The following EBF1 variants were observed in gnomAD, a reference collection of about 807,000 sequenced individuals.
EBF1 encodes the protein EBF transcription factor 1.
EBF1 carries 10 observed loss-of-function variants against 68.4 expected under a neutral mutation model. The ratio of observed to expected loss-of-function variants is 0.15; its 90% CI spans 0.09 to 0.25. EBF1 has a LOEUF of 0.25. Among genes scored for constraint, EBF1 ranks in the 10% least tolerant of loss-of-function variants. The pLI is 1.00. For missense variants in EBF1, 509 were observed against 794.4 expected (o/e 0.64, Z 4.32); for synonymous variants, 298 against 299.8 (o/e 0.99, Z 0.06).
intron 6 of EBF1, among the ~76,000 whole-genome samples, chr5:159,018,583 T>C (rs368179866): frequency 1.3e-5 from 2 of 152,260 alleles, no homozygotes; most frequent in East Asian, 3.8e-4. Context: ...ATCAGAAGGA[T>C]AATTGCATGC....
At chr5:158,837,862 A>T (rs1789186368) in intron 7 of EBF1, among the ~76,000 whole-genome samples, 1 of 152,212 alleles carries the variant, frequency 6.6e-6, no homozygotes, top group Non-Finnish European at 1.5e-5. Flanking sequence ...TGTTTATTAG[A>T]CATACACTGT....
chr5:158,885,070 C>T (rs1008289803), intron 6 of EBF1, among the ~76,000 whole-genome samples: 3 of 152,196 alleles, frequency 2.0e-5, no homozygotes, highest in Non-Finnish European at 4.4e-5. Context: ...CCCACTCCTG[C>T]AACTGCAGGG....
intron 6 of EBF1, among the ~76,000 whole-genome samples, chr5:158,897,795 T>C (rs1235030656): frequency 6.6e-6 from 1 of 152,206 alleles, no homozygotes; most frequent in Non-Finnish European, 1.5e-5. Flanking sequence ...AGTCACTTTT[T>C]CTTCCTTTTA....
rs1491025677 is a variant in EBF1, at chr5:158,873,025, T to TTA, written c.555-32916_555-32915insTA. On this transcript the variant is annotated intron_variant, in intron 6 of 15. Transcript: ENST00000313708. The stretch of plus-strand genomic sequence containing the variant: ...TTTTTTTTTTTTTTTTTTTTTTTTT[T>TTA]ACTGCTAATCAACATTACAAGATCC... Among the ~76,000 whole-genome samples, 3 of 139,988 alleles carry TTA rather than the reference T, an allele frequency of 2.1e-5. No individual in the cohort carries two copies. The South Asian group carries it at 6.9e-4, about 32-fold the overall frequency. The allele number at this position is 139,988 out of a possible 152,430, so 91.8% of individuals were successfully genotyped here.
At chr5:158,809,931 C>T (rs1782329550) in intron 8 of EBF1, among the ~76,000 whole-genome samples, 4 of 152,136 alleles carry the variant, frequency 2.6e-5, no homozygotes, top group Admixed American at 2.6e-4. Flanking sequence ...ATAGACTATT[C>T]TAAAATAGTA....
intron 6 of EBF1, among the ~76,000 whole-genome samples, chr5:158,978,903 AG>A: frequency 6.6e-6 from 1 of 152,178 alleles, no homozygotes; most frequent in East Asian, 1.9e-4. Flanking sequence ...GTTTCCAAGC[AG>A]GGTCAGTGTA....
At chr5:158,810,008 T>G (rs1279198763) in intron 8 of EBF1, among the ~76,000 whole-genome samples, 1 of 152,270 alleles carries the variant, frequency 6.6e-6, no homozygotes, top group African/African-American at 2.4e-5. Context: ...CCACAGGCCT[T>G]TAGCTAACCA....
Position 159,043,089 on chromosome 5 carries a change from CA to C in EBF1, c.554+30306del, listed in dbSNP as rs374325251. ...GTACCTATAGAATGTATTGTTTCAA[CA>C]ACACCAAGCAATCCAGCAGGATGGA... On this transcript the variant is annotated intron_variant, in intron 6 of 15. Coordinates refer to ENST00000313708, the MANE Select transcript of EBF1 (RefSeq NM_024007.5). Among the ~76,000 whole-genome samples, 6 of 152,318 alleles carry C rather than the reference CA, an allele frequency of 3.9e-5. No individual in the cohort carries two copies. In the East Asian group the frequency reaches 1.2e-3, roughly 29 times the overall value.
intron 8 of EBF1, among the ~76,000 whole-genome samples, chr5:158,798,740 T>A (rs1423941945): frequency 6.6e-6 from 1 of 152,174 alleles, no homozygotes; most frequent in Admixed American, 6.5e-5. Context: ...TGTCAATGCC[T>A]CAGAGGCAAG....
At chr5:158,846,318 G>A (rs889369201) in intron 6 of EBF1, among the ~76,000 whole-genome samples, 8 of 152,154 alleles carry the variant, frequency 5.3e-5, no homozygotes, top group Admixed American at 6.5e-5. Context: ...TTCCATAGAC[G>A]GCACCATCAC....
At chr5:158,718,309 C>T (rs1761191826) in intron 11 of EBF1, among the ~76,000 whole-genome samples, 1 of 152,128 alleles carries the variant, frequency 6.6e-6, no homozygotes, top group Non-Finnish European at 1.5e-5. Flanking sequence ...GTCATCTCTC[C>T]CTATGTATTT....
At chr5:158,699,969 C>T (rs1461287276) in intron 15 of EBF1, among the ~76,000 whole-genome samples, 2 of 152,214 alleles carry the variant, frequency 1.3e-5, no homozygotes, top group Non-Finnish European at 2.9e-5. Flanking sequence ...GCCTGAGTCC[C>T]ACCTCTGGCT....
chr5:159,029,383 C>T (rs1466618963), intron 6 of EBF1, among the ~76,000 whole-genome samples: 2 of 152,136 alleles, frequency 1.3e-5, no homozygotes, highest in Non-Finnish European at 2.9e-5. Flanking sequence ...GTTGAAGTGT[C>T]TGAAGGAGTA....
intron 6 of EBF1, among the ~76,000 whole-genome samples, chr5:158,905,907 G>A (rs985946915): frequency 2.6e-5 from 4 of 152,192 alleles, no homozygotes; most frequent in Non-Finnish European, 4.4e-5. Flanking sequence ...GGGAATGGAG[G>A]AGGGAGCAAA....
intron 8 of EBF1, among the ~76,000 whole-genome samples, chr5:158,808,799 C>G (rs561187462): frequency 6.6e-6 from 1 of 152,190 alleles, no homozygotes; most frequent in South Asian, 2.1e-4. Context: ...TGGTAATGAC[C>G]AGCTTCCCAA....
At chr5:159,096,107 G>A in intron 3 of EBF1, 3 of 580,258 alleles carry the variant, frequency 5.2e-6, no homozygotes, top group Non-Finnish European at 6.1e-6. Flanking sequence ...GTGGCTCAGG[G>A]AGGGATGAGG....
At chr5:158,816,339 C>T (rs528524392) in intron 8 of EBF1, among the ~76,000 whole-genome samples, 21 of 152,374 alleles carry the variant, frequency 1.4e-4, no homozygotes, top group Non-Finnish European at 2.4e-4. Flanking sequence ...AATCCTCTGG[C>T]ATGTTTATCC....
At chr5:158,919,488 A>C (rs904981412) in intron 6 of EBF1, among the ~76,000 whole-genome samples, 3 of 152,184 alleles carry the variant, frequency 2.0e-5, no homozygotes, top group Admixed American at 6.5e-5. Flanking sequence ...ACATAAAGAC[A>C]CCAAATGAAA....
intron 6 of EBF1, among the ~76,000 whole-genome samples, chr5:158,879,892 G>C (rs1433287349): frequency 1.3e-5 from 2 of 152,008 alleles, no homozygotes; most frequent in Admixed American, 6.6e-5. Context: ...TTCTGTGTCT[G>C]TCTCTCTCTC....
Sources: allele counts gnomAD v4.1 joint callset (sites outside exome capture counted in the v4.1 genomes callset), GRCh38; gene constraint gnomAD v4.1.1; transcripts MANE v1.5; gene names NCBI Gene and HGNC (gene_info 2026-07-23, HGNC 2026-07-21).